The following POLQ variants were observed in gnomAD, a reference collection of about 807,000 sequenced individuals.
POLQ encodes epididymis secretory sperm binding protein.
Under a neutral mutation model 259.2 loss-of-function variants are expected in POLQ, and 233 were observed. The observed-to-expected ratio is 0.90, with a 90% CI of 0.81 to 1.00. The LOEUF (loss-of-function observed/expected upper bound fraction) is 1.00, where lower values mean the gene tolerates loss of function less well. POLQ is among the 50% of genes least tolerant of loss of function. The pLI is 0.00. For missense variants in POLQ, 2,871 were observed against 3,051.6 expected (o/e 0.94, Z 1.39); for synonymous variants, 1,025 against 1,048.8 (o/e 0.98, Z 0.44).
At chr3:121,481,544 A>G (rs774646275) in intron 19 of POLQ, 28 bp downstream of exon 19, 11 of 1,561,162 alleles carry the variant, frequency 7.0e-6, no homozygotes, top group Non-Finnish European at 9.5e-6. Context: ...AATCTATAAC[A>G]TAAAAATGCC....
intron 26 of POLQ, among the ~76,000 whole-genome samples, chr3:121,445,065 T>C (rs1283121977): frequency 6.6e-6 from 1 of 152,146 alleles, no homozygotes; most frequent in East Asian, 1.9e-4. Context: ...GTAGGTTTTG[T>C]TTGTTTGTTT....
chr3:121,439,957 TGTTAA>T, intron 27 of POLQ, 30 bp downstream of exon 27: 1 of 1,572,912 alleles, frequency 6.4e-7, no homozygotes, highest in East Asian at 2.2e-5. Flanking sequence ...GTCATTGAAA[TGTTAA>T]GTTAAAATTC....
At chr3:121,493,302 CAAA>C (rs1184730889) in intron 15 of POLQ, among the ~76,000 whole-genome samples, 173 bp downstream of exon 15, 1 of 130,806 alleles carries the variant, frequency 7.6e-6, no homozygotes, top group Non-Finnish European at 1.6e-5. Flanking sequence ...GACTTCATCT[CAAA>C]AAAAAAAAAG....
At chr3:121,477,171 G>A (rs1299854102) in intron 19 of POLQ, among the ~76,000 whole-genome samples, 1 of 152,128 alleles carries the variant, frequency 6.6e-6, no homozygotes, top group African/African-American at 2.4e-5. Context: ...AAACACAGGT[G>A]TACAACACAA....
intron 22 of POLQ, 51 bp from the exon 23 acceptor site, chr3:121,468,482 T>G (rs764737428): frequency 2.9e-6 from 4 of 1,364,162 alleles, no homozygotes; most frequent in Admixed American, 1.8e-5. Context: ...AATCTAGTAT[T>G]TGTCTTAACA....
At chr3:121,471,168 C>T (rs982799562) in intron 22 of POLQ, among the ~76,000 whole-genome samples, 2 of 152,110 alleles carry the variant, frequency 1.3e-5, no homozygotes, top group African/African-American at 2.4e-5. Context: ...AGAAAGAATA[C>T]ATTTTTCTTC....
chr3:121,473,512 G>C, intron 20 of POLQ, 25 bp from the exon 21 acceptor site: 2 of 1,587,362 alleles, frequency 1.3e-6, no homozygotes, highest in Non-Finnish European at 1.7e-6. Context: ...TGTCTCTTTA[G>C]TCAAGAATGA....
At chr3:121,492,207 T>C (rs539976587) in intron 15 of POLQ, among the ~76,000 whole-genome samples, 2 of 152,314 alleles carry the variant, frequency 1.3e-5, no homozygotes, top group South Asian at 2.1e-4. Flanking sequence ...GGAAATGAGA[T>C]TGATGCTTCC....
rs780377860 is a variant in POLQ, at chr3:121,488,951, T to G, written c.3980A>C (p.Gln1327Pro). ...DFEDSFYLDT[Q>P]SEKIIQQMAT... ...CATCTGTTGTATTATTTTCTCTGAC[T>G]GAGTATCCAGATAGAAACTATCTTC... Residue 1327 changes from glutamine to proline, a missense_variant, in exon 16 of 30, where the codon CAG becomes CCG. By Grantham distance (76) the Gln-to-Pro change is moderately conservative. This residue lies in a region of POLQ where 2,080 missense variants were observed against 2,126.0 expected (regional missense o/e 0.98). Transcript: ENST00000264233. The G allele has an allele frequency of 1.4e-5, 23 of 1,613,958 alleles. No homozygotes were observed. Among genetic ancestry groups the G allele is most frequent in the Non-Finnish European group, 1.9e-5 (23 of 1,179,910 alleles).
chr3:121,509,787 C>T, intron 11 of POLQ, 84 bp from the exon 12 acceptor site: 2 of 1,340,392 alleles, frequency 1.5e-6, no homozygotes, highest in East Asian at 4.6e-5. Context: ...GTTTTCCATG[C>T]TAACCCTCCC....
intron 21 of POLQ, among the ~76,000 whole-genome samples, chr3:121,473,106 C>A (rs748947901): frequency 6.6e-6 from 1 of 152,120 alleles, no homozygotes; most frequent in African/African-American, 2.4e-5. Flanking sequence ...CCTTTATAAA[C>A]CTTTACACCA....
In POLQ at chr3:121,488,849, T is replaced by G; in HGVS notation, c.4082A>C (p.Gln1361Pro). Residue 1361 changes from glutamine to proline, a missense_variant, in exon 16 of 30, where the codon CAG becomes CCG. Physicochemically the swap from Gln to Pro is moderately conservative, Grantham distance 76. This residue lies in a region of POLQ where 2,080 missense variants were observed against 2,126.0 expected (regional missense o/e 0.98). Transcript: ENST00000264233. The part of the protein sequence containing the change: ...AGIMQKSLVQ[Q>P]NSMNSFQKEC... ...CTTCTGAAAAGAGTTCATTGAGTTC[T>G]GTTGGACTAAGCTCTTCTGCATTAT... 6.2e-7 allele frequency: 1 copy of G among 1,614,034 alleles called. No individual in the cohort carries two copies.
At position 121,520,098 on chromosome 3, in the gene POLQ, T is replaced by G; in HGVS notation, c.1256-15A>C. 6.7e-7 allele frequency: 1 copy of G among 1,486,006 alleles called. No individual in the cohort carries two copies. The highest frequency in any genetic ancestry group is 9.4e-7 in the Non-Finnish European group (1 of 1,067,788). The allele number at this position is 1,486,006 out of a possible 1,614,324, so 92.1% of individuals were successfully genotyped here. ...AAAAGTAAGACCTAAAAAAAGGAGG[T>G]TTTTATATATTTATTGATATATAAC... On this transcript the variant is annotated splice_polypyrimidine_tract_variant and intron_variant, in intron 8 of 29. Transcript: ENST00000264233.
chr3:121,441,487 T>C (rs544478106), intron 26 of POLQ, among the ~76,000 whole-genome samples: 9 of 152,348 alleles, frequency 5.9e-5, no homozygotes, highest in African/African-American at 1.9e-4. Context: ...AATGACACTG[T>C]ATATGCTCAT....
chr3:121,512,154 A>C, intron 9 of POLQ, 125 bp from the exon 10 acceptor site: 1 of 756,318 alleles, frequency 1.3e-6, no homozygotes, highest in Non-Finnish European at 2.1e-6. Context: ...TGTTATGGTA[A>C]TAAAATTATG....
Position 121,488,095 on chromosome 3 carries a change from A to C in POLQ, c.4836T>G (p.Asp1612Glu). Residue 1612 changes from aspartate (D) to glutamate (E), a missense_variant, in exon 16 of 30, where the codon GAT becomes GAG. Physicochemically the swap from Asp to Glu is conservative, Grantham distance 45. Coordinates refer to ENST00000264233, the MANE Select transcript of POLQ (RefSeq NM_199420.4). ...TTAATTTTGATTTTTCAGCCCTTTC[A>C]TCTTGATCTCCTCCATCTTGATCAC... ...HQGDQDGGDQDERAEKSKLTG... is the reference protein window; with the variant it reads ...HQGDQDGGDQEERAEKSKLTG... 6.2e-7 allele frequency: 1 copy of C among 1,613,882 alleles called. No individual in the cohort carries two copies. The highest frequency in any genetic ancestry group is 1.1e-5 in the South Asian group (1 of 91,036).
intron 7 of POLQ, 25 bp from the exon 8 acceptor site, chr3:121,522,174 C>T (rs2048340955): frequency 1.3e-6 from 2 of 1,574,818 alleles, no homozygotes; most frequent in Admixed American, 1.9e-5. Flanking sequence ...TTATCAACAC[C>T]ATTTGCTTCT....
intron 25 of POLQ, among the ~76,000 whole-genome samples, chr3:121,456,211 C>T (rs6787904): frequency 0.66 from 99,533 of 151,896 alleles, 32,828 homozygotes; most frequent in East Asian, 0.89. Flanking sequence ...CTCAATAAAT[C>T]AGGTACTGAT....
At position 121,490,119 on chromosome 3, in the gene POLQ, T is replaced by C; in HGVS notation, c.2812A>G (p.Asn938Asp). Residue 938 changes from asparagine to aspartate, a missense_variant, in exon 16 of 30, where the codon AAC becomes GAC. Around this residue, in one of 3 missense-constraint regions of POLQ, gnomAD observed 2,080 missense variants for 2,126.0 expected, o/e 0.98. Transcript: ENST00000264233. ...TCACTAAATATTGTGTTACTTTTGTTCTTTGATGTTAATTTTTTATAAGAA... is the reference window on the plus strand; with the variant it reads ...TCACTAAATATTGTGTTACTTTTGTCCTTTGATGTTAATTTTTTATAAGAA... ...KSSYKKLTSK[N>D]KSNTIFSDSY... is the part of the protein sequence containing the mutation. 1 of 1,605,864 alleles carries C rather than the reference T, an allele frequency of 6.2e-7. No homozygotes were observed. Among genetic ancestry groups the C allele is most frequent in the Non-Finnish European group, 8.5e-7 (1 of 1,174,506 alleles).
Sources: allele counts gnomAD v4.1 joint callset (sites outside exome capture counted in the v4.1 genomes callset), GRCh38; gene constraint gnomAD v4.1.1; regional missense constraint gnomAD v4.1.1; transcripts MANE v1.5; gene names NCBI Gene and HGNC (gene_info 2026-07-23, HGNC 2026-07-21).